Variants in KLHL4 observed in about 807,000 individuals in gnomAD.
The protein encoded by KLHL4 is kelch like family member 4.
KLHL4 carries 17 observed loss-of-function variants against 45.8 expected under a neutral mutation model. The observed-to-expected ratio is 0.37, with a 90% confidence interval of 0.25 to 0.56. KLHL4 has a LOEUF of 0.56. Among genes scored for constraint, KLHL4 ranks in the 20% least tolerant of loss-of-function variants. KLHL4 has a pLI of 0.79. For synonymous variants in KLHL4, 224 were observed against 189.9 expected (o/e 1.18, Z -1.47); for missense variants, 544 against 544.9 (o/e 1.00, Z 0.02).
intron 1 of KLHL4, among the ~76,000 whole-genome samples, chrX:87,582,461 T>C (rs1312204706): frequency 2.7e-5 from 3 of 111,448 alleles, no homozygotes; most frequent in Non-Finnish European, 5.6e-5. Flanking sequence ...CAGAACAAAG[T>C]CAGCTGATGG....
intron 1 of KLHL4, among the ~76,000 whole-genome samples, chrX:87,563,435 A>G (rs976183495): frequency 9.2e-6 from 1 of 109,190 alleles, no homozygotes; most frequent in Non-Finnish European, 1.9e-5. Flanking sequence ...AGATAAATTT[A>G]ACAAAGAAAG....
At chrX:87,525,357 T>C (rs1402665774) in intron 1 of KLHL4, among the ~76,000 whole-genome samples, 1 of 111,514 alleles carries the variant, frequency 9.0e-6, no homozygotes. Context: ...GCGATTTATC[T>C]CTCAAAAGAA....
rs148519452 is a variant in KLHL4, at chrX:87,607,965, C to T, written c.423-5912C>T. 2.1e-3 allele frequency among the ~76,000 whole-genome samples: 233 copies of T among 111,448 alleles called. 1 individual carries two copies. The highest frequency in any genetic ancestry group is 7.3e-3 in the African/African-American group (223 of 30,637). ...TCTAACATTCTCCTCAATTATCTCC[C>T]TGGAATTATAATAGGTATCACCAAC... On this transcript the variant is annotated intron_variant, in intron 1 of 10. Coordinates refer to ENST00000373119, the MANE Select transcript of KLHL4 (RefSeq NM_019117.5).
chrX:87,552,982 A>T (rs1602412880), intron 1 of KLHL4, among the ~76,000 whole-genome samples: 1 of 111,292 alleles, frequency 9.0e-6, no homozygotes, highest in East Asian at 2.8e-4. Flanking sequence ...AACTCAAAGG[A>T]TAAATGCTTG....
intron 1 of KLHL4, among the ~76,000 whole-genome samples, chrX:87,538,151 A>G (rs1353759763): frequency 5.4e-5 from 6 of 111,304 alleles, no homozygotes; most frequent in Non-Finnish European, 9.4e-5. Flanking sequence ...CTTTCCTAAG[A>G]TGGGATGAAC....
At chrX:87,591,417 G>A (rs1409318553) in intron 1 of KLHL4, among the ~76,000 whole-genome samples, 1 of 111,535 alleles carries the variant, frequency 9.0e-6, no homozygotes, top group Non-Finnish European at 1.9e-5. Flanking sequence ...GATGATGTCT[G>A]GGCTTTTAGT....
intron 1 of KLHL4, among the ~76,000 whole-genome samples, chrX:87,558,984 A>C (rs1188225819): frequency 2.7e-5 from 3 of 111,936 alleles, no homozygotes; most frequent in Non-Finnish European, 3.8e-5. Flanking sequence ...GCATGATTGC[A>C]ATGCATGTTG....
Position 87,669,500 on chromosome X carries a change from G to T in KLHL4, c.*2966G>T. The stretch of plus-strand genomic sequence containing the variant: ...GAACACTGAAAGACAGTTTCCTTCT[G>T]GAGTTCCAAATGCAATATAGAAAAA... On this transcript the variant is annotated 3_prime_UTR_variant, in exon 11 of 11. Transcript: ENST00000373119. 1 of 994,138 alleles carries T rather than the reference G, an allele frequency of 1.0e-6. No homozygotes were observed. The highest frequency in any genetic ancestry group is 1.3e-6 in the Non-Finnish European group (1 of 751,376). The allele number at this position is 994,138 out of a possible 1,213,427, so 81.9% of individuals were successfully genotyped here.
intron 1 of KLHL4, among the ~76,000 whole-genome samples, chrX:87,527,753 C>T (rs1360857555): frequency 9.4e-6 from 1 of 106,856 alleles, no homozygotes; most frequent in Non-Finnish European, 1.9e-5. Context: ...ATAAAAGTGA[C>T]ACCCTAGGAT....
chrX:87,557,115 G>A (rs1006370350), intron 1 of KLHL4, among the ~76,000 whole-genome samples: 7 of 111,972 alleles, frequency 6.3e-5, no homozygotes, highest in African/African-American at 2.3e-4. Context: ...AATATACTTG[G>A]TTGATTTTTA....
Position 87,666,873 on chromosome X carries a change from A to G in KLHL4, c.*339A>G. ...GTGCAGGTTATAAAAGCATTAATAC[A>G]TTTCAAGGTAAGAGCCTTAAAAGTT... On this transcript the variant is annotated 3_prime_UTR_variant, in exon 11 of 11. Coordinates refer to ENST00000373119, the MANE Select transcript of KLHL4 (RefSeq NM_019117.5). 2 of 741,609 alleles carry G rather than the reference A, an allele frequency of 2.7e-6. No individual in the cohort carries two copies. The highest frequency in any genetic ancestry group is 3.2e-6 in the Non-Finnish European group (2 of 623,148). The allele number at this position is 741,609 out of a possible 1,213,427, so 61.1% of individuals were successfully genotyped here.
chrX:87,611,690 A>ATACTATACTG, intron 1 of KLHL4, among the ~76,000 whole-genome samples: 1 of 110,702 alleles, frequency 9.0e-6, no homozygotes, highest in African/African-American at 3.3e-5. Flanking sequence ...ATACTATACT[A>ATACTATACTG]TACTATTTTT....
chrX:87,663,913 G>A (rs149596815), intron 9 of KLHL4, among the ~76,000 whole-genome samples: 4,289 of 111,612 alleles, frequency 0.038, 189 homozygotes, highest in African/African-American at 0.13. Flanking sequence ...TATATCAGTG[G>A]AAAGTGATAA....
chrX:87,613,891 A>G lies in KLHL4; in HGVS notation c.437A>G (p.His146Arg), dbSNP rs1237464008. ...TTCCTTTTCAGATTAGATACACAAC[A>G]CTCTGAAGACATGAATGCCACCAGA... ...EDSTARLDTQ[H>R]SEDMNATRSE... is the part of the protein sequence containing the mutation. Residue 146 changes from histidine (H) to arginine (R), a missense_variant, in exon 2 of 11, where the codon CAC becomes CGC. Physicochemically the swap from His to Arg is conservative, Grantham distance 29. Transcript: ENST00000373119. 8.4e-7 allele frequency: 1 copy of G among 1,195,561 alleles called. No homozygotes were observed. Among genetic ancestry groups the G allele is most frequent in the South Asian group, 1.9e-5 (1 of 53,388 alleles).
At position 87,580,154 on chromosome X, in the gene KLHL4, A is replaced by G. The variant is rs755953079; in HGVS notation, c.423-33723A>G. On this transcript the variant is annotated intron_variant, in intron 1 of 10. Coordinates refer to ENST00000373119, the MANE Select transcript of KLHL4 (RefSeq NM_019117.5). ...TTAACTTGCTATTAGCTTATATTAG[A>G]TGGTGATAACTACAAGATATTTTAT... Among the ~76,000 whole-genome samples the G allele has an allele frequency of 2.7e-5, 3 of 111,287 alleles. No individual in the cohort carries two copies. The East Asian group carries it at 8.5e-4, about 31-fold the overall frequency.
At chrX:87,636,055 C>T (rs1390673101) in intron 9 of KLHL4, among the ~76,000 whole-genome samples, 1 of 111,325 alleles carries the variant, frequency 9.0e-6, no homozygotes, top group Non-Finnish European at 1.9e-5. Context: ...TGTTTAATTA[C>T]ATTTTTAAAC....
intron 10 of KLHL4, among the ~76,000 whole-genome samples, chrX:87,665,217 A>G (rs1442003482): frequency 2.7e-5 from 3 of 111,475 alleles, no homozygotes. Context: ...CCCTTTAAAG[A>G]AAATAAGCGA....
intron 1 of KLHL4, among the ~76,000 whole-genome samples, chrX:87,533,393 T>C (rs1248261510): frequency 2.0e-5 from 2 of 99,414 alleles, no homozygotes; most frequent in Non-Finnish European, 4.0e-5. Context: ...GATGAGTTCA[T>C]GTCCTTTGTA....
intron 1 of KLHL4, among the ~76,000 whole-genome samples, chrX:87,608,917 C>T (rs1175631618): frequency 9.1e-6 from 1 of 110,146 alleles, no homozygotes; most frequent in Non-Finnish European, 1.9e-5. Context: ...CCCTGCTCCC[C>T]CCACCCCACA....
Sources: allele counts gnomAD v4.1 joint callset (sites outside exome capture counted in the v4.1 genomes callset), GRCh38; gene constraint gnomAD v4.1.1; transcripts MANE v1.5; gene names NCBI Gene and HGNC (gene_info 2026-07-23, HGNC 2026-07-21).